Variants in ANKRD27 observed in about 807,000 individuals in gnomAD.
ANKRD27 encodes ankyrin repeat domain-containing protein 27.
A neutral mutation model predicts 129.7 loss-of-function variants in ANKRD27; 112 were observed. The ratio of observed to expected loss-of-function variants is 0.86; its 90% CI spans 0.74 to 1.01. ANKRD27 has a LOEUF of 1.01. Among genes scored for constraint, ANKRD27 ranks in the 50% least tolerant of loss-of-function variants. ANKRD27 has a pLI of 0.00. For missense variants in ANKRD27, 1,258 were observed against 1,300.5 expected (o/e 0.97, Z 0.50); for synonymous variants, 516 against 511.2 (o/e 1.01, Z -0.13).
At chr19:32,656,050 A>AAAAGAAAGAAAAG (rs1244361989) in intron 2 of ANKRD27, among the ~76,000 whole-genome samples, 3 of 50,570 alleles carry the variant, frequency 5.9e-5, no homozygotes, top group Admixed American at 2.0e-4. Context: ...GAAAAGAAAG[A>AAAAGAAAGAAAAG]AAAGAAAGAA....
chr19:32,636,785 T>C (rs912440734), intron 12 of ANKRD27, among the ~76,000 whole-genome samples: 1 of 151,438 alleles, frequency 6.6e-6, no homozygotes, highest in African/African-American at 2.4e-5. Flanking sequence ...TCTTGCTGTG[T>C]TGCTCAGACT....
At chr19:32,625,647 GTCTCGAACTCC>G (rs1972077349) in intron 17 of ANKRD27, among the ~76,000 whole-genome samples, 1 of 152,028 alleles carries the variant, frequency 6.6e-6, no homozygotes, top group African/African-American at 2.4e-5. Flanking sequence ...GGTCAGGCTG[GTCTCGAACTCC>G]TGACCTCAGA....
intron 2 of ANKRD27, among the ~76,000 whole-genome samples, chr19:32,656,059 A>AAAGAAAGAAAGAAAG (rs1555747075): frequency 9.1e-5 from 6 of 65,884 alleles, no homozygotes; most frequent in African/African-American, 2.2e-4. Flanking sequence ...GAAAAGAAAG[A>AAAGAAAGAAAGAAAG]AAAGAAAGAA....
At chr19:32,640,795 T>C (rs1288252576) in intron 10 of ANKRD27, among the ~76,000 whole-genome samples, 1 of 152,168 alleles carries the variant, frequency 6.6e-6, no homozygotes, top group East Asian at 1.9e-4. Flanking sequence ...TCCCAGGTAC[T>C]TGGGAGGCTG....
At chr19:32,645,261 A>T (rs927961029) in intron 4 of ANKRD27, among the ~76,000 whole-genome samples, 1 of 151,970 alleles carries the variant, frequency 6.6e-6, no homozygotes, top group Non-Finnish European at 1.5e-5. Context: ...AAAATAAAAA[A>T]ATTAGCTGGG....
At chr19:32,668,649 T>A (rs1252073870) in intron 1 of ANKRD27, among the ~76,000 whole-genome samples, 1 of 151,668 alleles carries the variant, frequency 6.6e-6, no homozygotes, top group African/African-American at 2.4e-5. Context: ...ATTTTTTTTT[T>A]ATTCTTTGTA....
Position 32,597,411 on chromosome 19 carries a change from TGACA to T in ANKRD27, c.*730_*733del, listed in dbSNP as rs1971586029. 1 of 152,698 alleles carries T rather than the reference TGACA, an allele frequency of 6.5e-6. No individual in the cohort carries two copies. The highest frequency in any genetic ancestry group is 1.5e-5 in the Non-Finnish European group (1 of 68,100). The allele number at this position is 152,698 out of a possible 1,614,324, so 9.5% of individuals were successfully genotyped here. ...GTAACCATCCCGTCAGGTGTGAGTG[TGACA>T]GACATTCAAGGGAGGTTCTCAACAA... On this transcript the variant is annotated 3_prime_UTR_variant, in exon 29 of 29. Transcript: ENST00000306065.
intron 2 of ANKRD27, among the ~76,000 whole-genome samples, chr19:32,650,365 A>G (rs933253418): frequency 6.6e-6 from 1 of 152,230 alleles, no homozygotes; most frequent in Non-Finnish European, 1.5e-5. Flanking sequence ...CAGCCTGGCC[A>G]ACATGGCAAA....
chr19:32,621,803 G>C (rs1972013967), intron 18 of ANKRD27, among the ~76,000 whole-genome samples: 1 of 152,086 alleles, frequency 6.6e-6, no homozygotes, highest in East Asian at 1.9e-4. Context: ...GCTCCCCCTG[G>C]TCAGTCTGCC....
intron 14 of ANKRD27, 67 bp from the exon 15 acceptor site, chr19:32,628,232 GTA>G: frequency 7.3e-7 from 1 of 1,369,212 alleles, no homozygotes; most frequent in Non-Finnish European, 1.0e-6. Flanking sequence ...CCCTGACCAG[GTA>G]GATAGGCAGG....
chr19:32,673,243 T>C, intron 1 of ANKRD27: 2 of 962,220 alleles, frequency 2.1e-6, no homozygotes, highest in African/African-American at 3.5e-5. Context: ...GGAATGTAAG[T>C]CTATCCAATG....
intron 3 of ANKRD27, among the ~76,000 whole-genome samples, chr19:32,648,480 A>G (rs1031627852): frequency 1.3e-5 from 2 of 152,228 alleles, no homozygotes; most frequent in Non-Finnish European, 2.9e-5. Flanking sequence ...GTCTTGGGCT[A>G]AAGGGCACAG....
chr19:32,606,151 C>CTTTT (rs11325326), intron 23 of ANKRD27, among the ~76,000 whole-genome samples, 197 bp from the exon 24 acceptor site: 1 of 125,552 alleles, frequency 8.0e-6, no homozygotes, highest in Non-Finnish European at 1.7e-5. Flanking sequence ...GTTTTTCTTT[C>CTTTT]TTTTTTTTTT....
chr19:32,666,100 G>A (rs761090005), intron 1 of ANKRD27, among the ~76,000 whole-genome samples: 23 of 152,098 alleles, frequency 1.5e-4, no homozygotes. Context: ...CCACATACAT[G>A]GTATATCTTT....
chr19:32,646,492 T>C lies in ANKRD27; in HGVS notation c.337A>G (p.Ile113Val), dbSNP rs1212317037. ...EKEESFSILC[I>V]AHPLEKRESS... Reference sequence around the variant, plus strand: ...TCTCTCTTTTCCAAAGGATGGGCTATACACAGGATGCTGAAACTCTCTTCT... The same window carrying C: ...TCTCTCTTTTCCAAAGGATGGGCTACACACAGGATGCTGAAACTCTCTTCT... The change falls in exon 4 of 29, where the codon ATA (isoleucine) becomes GTA (valine). Residue 113 changes from isoleucine (I) to valine (V), a missense_variant. Physicochemically the swap from Ile to Val is conservative, Grantham distance 29. Coordinates refer to ENST00000306065, the MANE Select transcript of ANKRD27 (RefSeq NM_032139.3). 2.5e-6 allele frequency: 4 copies of C among 1,614,194 alleles called. No homozygotes were observed. In the South Asian group the frequency reaches 4.4e-5, roughly 18 times the overall value.
chr19:32,644,160 C>A (rs1387296044), intron 5 of ANKRD27, among the ~76,000 whole-genome samples, 165 bp downstream of exon 5: 1 of 152,064 alleles, frequency 6.6e-6, no homozygotes, highest in Non-Finnish European at 1.5e-5. Context: ...CAGGCTTGTA[C>A]CACCATGCCC....
chr19:32,644,324 CTA>C lies in ANKRD27; in HGVS notation c.524_525del (p.Ile175ArgfsTer44). 1.2e-6 allele frequency: 2 copies of C among 1,612,282 alleles called. No individual in the cohort carries two copies. Among genetic ancestry groups the C allele is most frequent in the Non-Finnish European group, 1.7e-6 (2 of 1,179,490 alleles). ...AGGCAGAGGACAGCACGGCTACTGA[CTA>C]TGTGGTGACGGAGGCTCTTTCTCTC... The part of the protein sequence containing the change: ...ECERKSLRHH[I>X]DSANALYTKC... On this transcript the variant is annotated frameshift_variant and splice_region_variant, in exon 5 of 29. Coordinates refer to ENST00000306065, the MANE Select transcript of ANKRD27 (RefSeq NM_032139.3). LOFTEE classifies it high-confidence loss of function.
intron 1 of ANKRD27, among the ~76,000 whole-genome samples, chr19:32,660,570 C>T (rs527448439): frequency 1.8e-4 from 28 of 152,206 alleles, no homozygotes; most frequent in Admixed American, 1.6e-3. Flanking sequence ...CCTCCGGCCA[C>T]GTGAGGTTAC....
intron 10 of ANKRD27, among the ~76,000 whole-genome samples, chr19:32,641,767 C>CTTTTTT (rs757141453): frequency 4.7e-5 from 1 of 21,192 alleles, no homozygotes; most frequent in Non-Finnish European, 8.9e-5. Flanking sequence ...TTTACTTCTT[C>CTTTTTT]TTTTTTTTTT....
Sources: allele counts gnomAD v4.1 joint callset (sites outside exome capture counted in the v4.1 genomes callset), GRCh38; gene constraint gnomAD v4.1.1; transcripts MANE v1.5; gene names NCBI Gene and HGNC (gene_info 2026-07-23, HGNC 2026-07-21).